The following EIF2S2 variants were observed in gnomAD, a reference collection of about 807,000 sequenced individuals.
The protein encoded by EIF2S2 is eukaryotic translation initiation factor 2 subunit beta, also known as eukaryotic translation initiation factor 2 subunit 2.
A neutral mutation model predicts 44.0 loss-of-function variants in EIF2S2; 4 were observed. That is an observed-to-expected ratio of 0.09 (90% confidence interval 0.04 to 0.21). The LOEUF (loss-of-function observed/expected upper bound fraction) is 0.21, where lower values mean the gene tolerates loss of function less well. Ranked by LOEUF, EIF2S2 falls within the 10% of genes least tolerant of loss-of-function variation. The pLI is 1.00. For synonymous variants in EIF2S2, 108 were observed against 128.3 expected (o/e 0.84, Z 1.07); for missense variants, 154 against 392.0 (o/e 0.39, Z 5.13).
chr20:34,111,246 G>C (rs1402447790), intron 1 of EIF2S2, among the ~76,000 whole-genome samples: 3 of 152,188 alleles, frequency 2.0e-5, no homozygotes, highest in Non-Finnish European at 4.4e-5. Context: ...TTGTGATCAA[G>C]GCTTCCTATT....
At chr20:34,109,941 A>G (rs1291879812) in intron 1 of EIF2S2, among the ~76,000 whole-genome samples, 1 of 149,546 alleles carries the variant, frequency 6.7e-6, no homozygotes, top group African/African-American at 2.5e-5. Flanking sequence ...TAAAAATACA[A>G]AAAAAAAATT....
intron 1 of EIF2S2, chr20:34,108,306 A>C (rs2034371492): frequency 6.6e-6 from 1 of 152,182 alleles, no homozygotes; most frequent in Non-Finnish European, 1.5e-5. Context: ...AGGAATCATA[A>C]ACTGAAATAA....
At chr20:34,104,450 C>T (rs1306225424) in intron 2 of EIF2S2, among the ~76,000 whole-genome samples, 2 of 152,190 alleles carry the variant, frequency 1.3e-5, no homozygotes, top group Admixed American at 6.5e-5. Flanking sequence ...GTACTTATTA[C>T]CAGCTTGCTT....
At chr20:34,093,763 T>C in intron 6 of EIF2S2, 32 bp from the exon 7 acceptor site, 4 of 1,556,832 alleles carry the variant, frequency 2.6e-6, no homozygotes, top group Non-Finnish European at 3.5e-6. Flanking sequence ...ATAAACCTTA[T>C]CTCTCATGGA....
chr20:34,112,188 T>G lies in EIF2S2; in HGVS notation c.-78A>C. ...CAGGCCCCGGCGGCAGCGCTGCCCC[T>G]GCCGATACCTCTCCCACCACCGCAC... is the stretch of plus-strand genomic sequence containing the variant. On this transcript the variant is annotated 5_prime_UTR_variant, in exon 1 of 9. Transcript: ENST00000374980. 6.9e-7 allele frequency: 1 copy of G among 1,439,610 alleles called. No individual in the cohort carries two copies. The allele number at this position is 1,439,610 out of a possible 1,614,324, so 89.2% of individuals were successfully genotyped here. A position where few individuals can be genotyped will look rare whatever the true frequency, so the allele number is the denominator to read the frequency against.
Position 34,090,615 on chromosome 20 carries a change from AC to A in EIF2S2, c.741-14del. ...ATCTATAGAACCACTATGAAAGAAA[AC>A]AAAAATATCTCCATTATTATTGTTT... is the stretch of plus-strand genomic sequence containing the variant. On this transcript the variant is annotated splice_polypyrimidine_tract_variant and intron_variant, in intron 7 of 8. Coordinates refer to ENST00000374980, the MANE Select transcript of EIF2S2 (RefSeq NM_003908.5). 6.9e-7 allele frequency: 1 copy of A among 1,441,760 alleles called. No homozygotes were observed. 89.3% of individuals were successfully genotyped at this position (1,441,760 alleles called of 1,614,324 possible).
At chr20:34,106,985 T>C (rs1322651523) in intron 1 of EIF2S2, among the ~76,000 whole-genome samples, 2 of 152,040 alleles carry the variant, frequency 1.3e-5, no homozygotes, top group Non-Finnish European at 2.9e-5. Context: ...ATCAAGACCA[T>C]CCTGGCTAAC....
chr20:34,092,108 C>T (rs558237628), intron 7 of EIF2S2, among the ~76,000 whole-genome samples: 1 of 152,312 alleles, frequency 6.6e-6, no homozygotes, highest in South Asian at 2.1e-4. Context: ...TAAATTTCCT[C>T]CTCCACAGAT....
At chr20:34,105,672 G>A (rs1166915220) in intron 1 of EIF2S2, 127 bp from the exon 2 acceptor site, 2 of 868,452 alleles carry the variant, frequency 2.3e-6, no homozygotes, top group Non-Finnish European at 3.3e-6. Context: ...AACACCAAAG[G>A]GGAGTTTACC....
intron 6 of EIF2S2, among the ~76,000 whole-genome samples, chr20:34,094,182 C>T (rs934960298): frequency 2.0e-5 from 3 of 152,132 alleles, no homozygotes; most frequent in Non-Finnish European, 4.4e-5. Context: ...GTGAACTGAG[C>T]CAGATAGCAC....
chr20:34,093,675 C>T lies in EIF2S2; in HGVS notation c.740G>A (p.Ser247Asn). 6.2e-7 allele frequency: 1 copy of T among 1,607,372 alleles called. No individual in the cohort carries two copies. Among genetic ancestry groups the T allele is most frequent in the Non-Finnish European group, 8.5e-7 (1 of 1,176,042 alleles). ...LAFLLAELGT[S>N]GSIDGNNQLV... is the part of the protein sequence containing the mutation. Reference sequence around the variant, plus strand: ...TATGTAAATGTATACAGTTTCTTACCTTGTACCCAATTCAGCCAACAAAAA... The same window carrying T: ...TATGTAAATGTATACAGTTTCTTACTTTGTACCCAATTCAGCCAACAAAAA... The change falls in exon 7 of 9, where the codon AGT becomes AAT. Residue 247 changes from serine to asparagine, a missense_variant and splice_region_variant. Physicochemically the swap from Ser to Asn is conservative, Grantham distance 46 (BLOSUM62 1). Coordinates refer to ENST00000374980, the MANE Select transcript of EIF2S2 (RefSeq NM_003908.5).
At chr20:34,094,708 A>ATAT (rs2034207201) in intron 6 of EIF2S2, among the ~76,000 whole-genome samples, 1 of 21,570 alleles carries the variant, frequency 4.6e-5, no homozygotes, top group African/African-American at 8.9e-5. Context: ...CTCAATATAC[A>ATAT]AAAAAAAAAA....
At position 34,093,331 on chromosome 20, in the gene EIF2S2, G is replaced by GA. The variant is rs1245134525; in HGVS notation, c.740+343dup. 5.3e-5 allele frequency among the ~76,000 whole-genome samples: 8 copies of GA among 151,666 alleles called. No homozygotes were observed. In the South Asian group the frequency reaches 6.2e-4, roughly 12 times the overall value. On this transcript the variant is annotated intron_variant, in intron 7 of 8. Transcript: ENST00000374980. Reference sequence around the variant, plus strand: ...CTTCAACAGCCTGTTACCAATTTAGGAAAAAAAAGTCTGACTTTAAGAAAA... The same window carrying GA: ...CTTCAACAGCCTGTTACCAATTTAGGAAAAAAAAAGTCTGACTTTAAGAAAA...
In EIF2S2 at chr20:34,098,655, G is replaced by A. The variant is rs199777896; in HGVS notation, c.298-22C>T. Reference sequence around the variant, plus strand: ...GATCCTAAGAAAGTGAGATGAGTCTGAACATTTGATACTGGGACTATTCTT... The same window carrying A: ...GATCCTAAGAAAGTGAGATGAGTCTAAACATTTGATACTGGGACTATTCTT... On this transcript the variant is annotated intron_variant, in intron 3 of 8. Coordinates refer to ENST00000374980, the MANE Select transcript of EIF2S2 (RefSeq NM_003908.5). 8 of 1,610,484 alleles carry A rather than the reference G, an allele frequency of 5.0e-6. No individual in the cohort carries two copies. In the East Asian group the frequency reaches 8.9e-5, roughly 18 times the overall value.
chr20:34,104,212 A>G (rs1174897585), intron 2 of EIF2S2, among the ~76,000 whole-genome samples: 1 of 152,058 alleles, frequency 6.6e-6, no homozygotes, highest in Non-Finnish European at 1.5e-5. Flanking sequence ...TGCCTTCCTC[A>G]CTTCAATCCC....
rs911565296 is a variant in EIF2S2 at position 34,090,388 on chromosome 20, A to G, written c.826+129T>C. 2.2e-5 allele frequency: 12 copies of G among 554,170 alleles called. No homozygotes were observed. The African/African-American group carries it at 2.2e-4, about 10-fold the overall frequency. The allele number at this position is 554,170 out of a possible 1,614,324, so 34.3% of individuals were successfully genotyped here. On this transcript the variant is annotated intron_variant, in intron 8 of 8. Coordinates refer to ENST00000374980, the MANE Select transcript of EIF2S2 (RefSeq NM_003908.5). ...AGGCAAGAGCCACCTCCCTTTCACT[A>G]TCATTTTGTCTCTGATCTTTTTAAG...
chr20:34,091,852 C>T lies in EIF2S2; in HGVS notation c.741-1250G>A, dbSNP rs1197952652. ...AGCTCTGTCTTGCGAGAGAGACGGACGTCCGAGTGGGACTCTCCTGGATTA... is the reference window on the plus strand; with the variant it reads ...AGCTCTGTCTTGCGAGAGAGACGGATGTCCGAGTGGGACTCTCCTGGATTA... On this transcript the variant is annotated intron_variant, in intron 7 of 8. Transcript: ENST00000374980. 2.7e-5 allele frequency among the ~76,000 whole-genome samples: 4 copies of T among 145,994 alleles called. No individual in the cohort carries two copies. In the East Asian group the frequency reaches 6.1e-4, roughly 22 times the overall value.
At position 34,105,345 on chromosome 20, in the gene EIF2S2, ACTCT is replaced by A. The variant is rs748142167; in HGVS notation, c.193+19_193+22del. 35 of 1,603,748 alleles carry A rather than the reference ACTCT, an allele frequency of 2.2e-5. No individual in the cohort carries two copies. The African/African-American group carries it at 4.6e-4, about 21-fold the overall frequency. On this transcript the variant is annotated intron_variant, in intron 2 of 8. Transcript: ENST00000374980. ...AACCAGGGCTTCTATGACAACAGTA[ACTCT>A]CTCACATCAACCACGCACCTTTTTT...
chr20:34,102,742 TATAA>T (rs1234814672), intron 3 of EIF2S2, among the ~76,000 whole-genome samples: 1 of 152,180 alleles, frequency 6.6e-6, no homozygotes, highest in African/African-American at 2.4e-5. Context: ...TCTTGGGTTT[TATAA>T]ATAGACATGT....
Sources: allele counts gnomAD v4.1 joint callset (sites outside exome capture counted in the v4.1 genomes callset), GRCh38; gene constraint gnomAD v4.1.1; transcripts MANE v1.5; gene names NCBI Gene and HGNC (gene_info 2026-07-23, HGNC 2026-07-21).